TSHZ2: variants seen among roughly 807,000 people sequenced by gnomAD.
The protein encoded by TSHZ2 is teashirt homolog 2.
In TSHZ2, 21 loss-of-function variants were observed where a neutral mutation model predicts 74.4. The observed-to-expected ratio is 0.28, with a 90% CI of 0.20 to 0.41. The LOEUF (loss-of-function observed/expected upper bound fraction) is 0.41. Among genes scored for constraint, TSHZ2 ranks in the 10% least tolerant of loss-of-function variants. The probability of loss-of-function intolerance (pLI) is 1.00; values close to 1 mark genes in which losing one functional copy is unlikely to be tolerated. For synonymous variants in TSHZ2, 540 were observed against 515.3 expected (o/e 1.05, Z -0.65); for missense variants, 1,244 against 1,293.5 (o/e 0.96, Z 0.59).
intron 2 of TSHZ2, among the ~76,000 whole-genome samples, chr20:53,371,311 C>T (rs1395740025): frequency 1.3e-5 from 2 of 152,078 alleles, no homozygotes; most frequent in Non-Finnish European, 2.9e-5. Flanking sequence ...TGGGAACCAC[C>T]GAATGATTAA....
At chr20:53,089,808 C>T (rs1342538764) in intron 1 of TSHZ2, among the ~76,000 whole-genome samples, 2 of 152,348 alleles carry the variant, frequency 1.3e-5, no homozygotes, top group East Asian at 3.9e-4. Flanking sequence ...AGTGCCCAGA[C>T]CCTACTGAGG....
At chr20:53,252,521 C>T (rs926680653) in intron 1 of TSHZ2, among the ~76,000 whole-genome samples, 2 of 152,232 alleles carry the variant, frequency 1.3e-5, no homozygotes, top group African/African-American at 4.8e-5. Context: ...TCCCCATCTC[C>T]ATTGATGGAT....
At chr20:53,099,242 C>G (rs993761222) in intron 1 of TSHZ2, among the ~76,000 whole-genome samples, 29 of 152,290 alleles carry the variant, frequency 1.9e-4, no homozygotes, top group Non-Finnish European at 4.0e-4. Flanking sequence ...AAGGCAAGTT[C>G]TTCACAGAAG....
At chr20:52,997,579 A>G (rs1982253111) in intron 1 of TSHZ2, among the ~76,000 whole-genome samples, 1 of 151,898 alleles carries the variant, frequency 6.6e-6, no homozygotes, top group South Asian at 2.1e-4. Context: ...GATAAAAGAA[A>G]AAAAAAATGC....
intron 2 of TSHZ2, among the ~76,000 whole-genome samples, chr20:53,385,705 G>C (rs982200718): frequency 3.3e-5 from 5 of 152,154 alleles, no homozygotes; most frequent in Non-Finnish European, 7.4e-5. Flanking sequence ...CTTGGTCCAC[G>C]GGGAGCTTCA....
intron 1 of TSHZ2, among the ~76,000 whole-genome samples, chr20:53,226,804 A>C (rs1251467695): frequency 6.6e-6 from 1 of 152,078 alleles, no homozygotes; most frequent in Non-Finnish European, 1.5e-5. Context: ...TACCTCATCC[A>C]GTTGGAGACA....
intron 1 of TSHZ2, among the ~76,000 whole-genome samples, chr20:53,004,536 A>G (rs1982567168): frequency 6.6e-6 from 1 of 152,190 alleles, no homozygotes; most frequent in Admixed American, 6.5e-5. Context: ...AAAAACAGAG[A>G]AAAGGCATTT....
chr20:53,395,882 A>G (rs976064274), intron 2 of TSHZ2, among the ~76,000 whole-genome samples: 1 of 152,242 alleles, frequency 6.6e-6, no homozygotes, highest in South Asian at 2.1e-4. Context: ...AGCATGCAAC[A>G]TGACCTTGGG....
chr20:53,393,913 C>T (rs1344960997), intron 2 of TSHZ2, among the ~76,000 whole-genome samples: 2 of 152,046 alleles, frequency 1.3e-5, no homozygotes, highest in Admixed American at 6.6e-5. Context: ...AAAATTCTAA[C>T]GACTTCCATA....
intron 1 of TSHZ2, among the ~76,000 whole-genome samples, chr20:53,177,208 C>G (rs183543390): frequency 1.6e-4 from 24 of 152,232 alleles, no homozygotes; most frequent in Non-Finnish European, 3.2e-4. Context: ...TGTAACCTAC[C>G]TGCCTTACCA....
chr20:53,121,092 G>C (rs1226029554), intron 1 of TSHZ2, among the ~76,000 whole-genome samples: 1 of 152,012 alleles, frequency 6.6e-6, no homozygotes, highest in East Asian at 1.9e-4. Flanking sequence ...GGCCTCCTTG[G>C]AAAACAAATA....
At chr20:53,006,837 C>T (rs1163167433) in intron 1 of TSHZ2, among the ~76,000 whole-genome samples, 1 of 151,878 alleles carries the variant, frequency 6.6e-6, no homozygotes, top group Non-Finnish European at 1.5e-5. Flanking sequence ...GGGTAGGGTG[C>T]TATGGTTTAT....
At chr20:53,349,195 C>T (rs1427247893) in intron 2 of TSHZ2, among the ~76,000 whole-genome samples, 2 of 152,182 alleles carry the variant, frequency 1.3e-5, no homozygotes, top group African/African-American at 2.4e-5. Flanking sequence ...TCAGTTTCCT[C>T]ATCTGTTAAA....
intron 1 of TSHZ2, among the ~76,000 whole-genome samples, chr20:53,008,980 C>CCT (rs55692015): frequency 0.025 from 3,277 of 130,064 alleles, 79 homozygotes; most frequent in East Asian, 0.091. Context: ...TTGTCTTTCT[C>CCT]CTCTCTCTCT....
At chr20:53,228,407 T>C (rs1395266358) in intron 1 of TSHZ2, among the ~76,000 whole-genome samples, 1 of 152,148 alleles carries the variant, frequency 6.6e-6, no homozygotes, top group Non-Finnish European at 1.5e-5. Flanking sequence ...CTGCTGAGAG[T>C]TACTAATTTG....
chr20:53,411,137 A>T (rs544198935), intron 2 of TSHZ2, among the ~76,000 whole-genome samples: 1 of 152,272 alleles, frequency 6.6e-6, no homozygotes, highest in Admixed American at 6.5e-5. Flanking sequence ...CTTCTATAAG[A>T]CGGGAAGTGG....
chr20:53,342,068 C>T (rs1980226457), intron 2 of TSHZ2, among the ~76,000 whole-genome samples: 1 of 152,120 alleles, frequency 6.6e-6, no homozygotes, highest in African/African-American at 2.4e-5. Context: ...CCCCCACATG[C>T]CCCACACCCA....
intron 1 of TSHZ2, among the ~76,000 whole-genome samples, chr20:53,152,457 C>G (rs1039525961): frequency 2.0e-5 from 3 of 152,210 alleles, no homozygotes; most frequent in Non-Finnish European, 4.4e-5. Flanking sequence ...TATTCTAACC[C>G]TGACCCTAAT....
chr20:53,468,294 A>C (rs1272949466), intron 2 of TSHZ2, among the ~76,000 whole-genome samples: 1 of 152,188 alleles, frequency 6.6e-6, no homozygotes, highest in Non-Finnish European at 1.5e-5. Flanking sequence ...TTCACAGGGC[A>C]AACTCTCATG....
Sources: gnomAD v4.1 joint callset for allele counts (sites outside exome capture counted in the v4.1 genomes callset) on GRCh38, gnomAD v4.1.1 for gene constraint, MANE v1.5 for transcripts, NCBI Gene and HGNC (gene_info 2026-07-23, HGNC 2026-07-21) for gene names.